The following FRK variants were observed in gnomAD, a reference collection of about 807,000 sequenced individuals.
The protein encoded by FRK is fyn related Src family tyrosine kinase.
FRK carries 51 observed loss-of-function variants against 56.4 expected under a neutral mutation model. The ratio of observed to expected loss-of-function variants is 0.90; its 90% CI spans 0.72 to 1.14. FRK has a LOEUF of 1.14. Ranked by LOEUF, FRK falls within the 50% of genes most tolerant of loss-of-function variation. The pLI is 0.00. For missense variants in FRK, 570 were observed against 601.4 expected (o/e 0.95, Z 0.55); for synonymous variants, 245 against 217.9 (o/e 1.12, Z -1.10).
chr6:116,054,112 G>T (rs1777284389), intron 1 of FRK, among the ~76,000 whole-genome samples: 1 of 151,348 alleles, frequency 6.6e-6, no homozygotes, highest in Non-Finnish European at 1.5e-5. Flanking sequence ...AACAAATTGA[G>T]TTAGTTATAT....
chr6:115,958,818 G>GA (rs71012317), intron 4 of FRK, among the ~76,000 whole-genome samples: 2 of 16,210 alleles, frequency 1.2e-4, no homozygotes, highest in East Asian at 1.5e-3. Flanking sequence ...AAGAAAGAAA[G>GA]AAAAAGAAAG....
In FRK at chr6:115,944,341, C is replaced by T. The variant is rs190064484; in HGVS notation, c.1043G>A (p.Arg348Gln). ...AGCCAGATCTCTGTGAATGTAGTTC[C>T]GAGACTCCAGATAGGCCATTCCAGA... is the stretch of plus-strand genomic sequence containing the variant. ...VASGMAYLES[R>Q]NYIHRDLAAR... Residue 348 changes from arginine (R) to glutamine (Q), a missense_variant, in exon 6 of 8, where the codon CGG becomes CAG. Coordinates refer to ENST00000606080, the MANE Select transcript of FRK (RefSeq NM_002031.3). The T allele has an allele frequency of 8.2e-5, 132 of 1,612,940 alleles. No individual in the cohort carries two copies. In the East Asian group the frequency reaches 8.7e-4, roughly 11 times the overall value.
At chr6:116,023,267 T>C (rs1775948412) in intron 1 of FRK, among the ~76,000 whole-genome samples, 1 of 152,190 alleles carries the variant, frequency 6.6e-6, no homozygotes, top group Non-Finnish European at 1.5e-5. Flanking sequence ...GACTCTATGA[T>C]GCAGCAATTC....
the FRK span, among the ~76,000 whole-genome samples, chr6:116,081,699 C>CAAT: frequency 1.3e-5 from 2 of 151,118 alleles, no homozygotes; most frequent in Admixed American, 1.3e-4. Context: ...TAAAAGATAA[C>CAAT]AATAATAATA....
At chr6:116,065,814 T>C (rs2114849978), upstream of FRK, among the ~76,000 whole-genome samples, 1 of 152,330 alleles carries the variant, frequency 6.6e-6, no homozygotes, top group South Asian at 2.1e-4. Flanking sequence ...ACTCAATAAA[T>C]ATATGTTGAG....
chr6:116,081,119 G>C, the FRK span, among the ~76,000 whole-genome samples: 1 of 152,106 alleles, frequency 6.6e-6, no homozygotes, highest in Non-Finnish European at 1.5e-5. Flanking sequence ...TCACTATCTC[G>C]AGAACAGCAT....
At chr6:116,043,102 C>T (rs1286170850) in intron 1 of FRK, among the ~76,000 whole-genome samples, 1 of 152,114 alleles carries the variant, frequency 6.6e-6, no homozygotes, top group South Asian at 2.1e-4. Flanking sequence ...TCTTAGAGAC[C>T]TACAAACAGA....
chr6:116,019,307 G>C (rs1015031591), intron 1 of FRK, among the ~76,000 whole-genome samples: 1 of 152,164 alleles, frequency 6.6e-6, no homozygotes, highest in Non-Finnish European at 1.5e-5. Flanking sequence ...ATAAACAGAT[G>C]ATTATTTGAG....
rs560254969 is a variant in FRK at position 116,057,499 on chromosome 6, G to A, written c.344+2469C>T. Among the ~76,000 whole-genome samples, 29 of 152,214 alleles carry A rather than the reference G, an allele frequency of 1.9e-4. 1 individual carries two copies. The East Asian group carries it at 5.0e-3, about 26-fold the overall frequency. On this transcript the variant is annotated intron_variant, in intron 1 of 7. Transcript: ENST00000606080. ...GAGTATTGAAGCAATTTTGCCTTAC[G>A]GTGACAAGAAACTTCAGAAGTAAGC...
chr6:115,971,808 A>C (rs1039181710), intron 2 of FRK, among the ~76,000 whole-genome samples: 31 of 152,214 alleles, frequency 2.0e-4, no homozygotes, highest in African/African-American at 7.2e-4. Flanking sequence ...AAAAGGCAGC[A>C]GTGGAAACAT....
chr6:116,042,567 C>T (rs1219161167), intron 1 of FRK, among the ~76,000 whole-genome samples: 1 of 152,144 alleles, frequency 6.6e-6, no homozygotes, highest in African/African-American at 2.4e-5. Context: ...GCCTGCCTTA[C>T]AAGAGCTCCT....
intron 1 of FRK, among the ~76,000 whole-genome samples, chr6:116,049,892 A>C (rs556082293): frequency 2.0e-5 from 3 of 152,312 alleles, no homozygotes; most frequent in East Asian, 3.9e-4. Context: ...TTTTAGGAAA[A>C]GGGTCATATG....
chr6:116,046,508 T>C (rs991669904), intron 1 of FRK, among the ~76,000 whole-genome samples: 2 of 152,118 alleles, frequency 1.3e-5, no homozygotes, highest in African/African-American at 2.4e-5. Context: ...GGAAACCATC[T>C]TTCTCAGCAA....
chr6:116,100,534 T>C, the FRK span, among the ~76,000 whole-genome samples: 1 of 151,796 alleles, frequency 6.6e-6, no homozygotes, highest in South Asian at 2.1e-4. Flanking sequence ...GGCGATGGAG[T>C]GTCCCGGTTA....
At chr6:115,996,884 C>G (rs760055461) in intron 2 of FRK, among the ~76,000 whole-genome samples, 9 of 152,158 alleles carry the variant, frequency 5.9e-5, no homozygotes, top group Non-Finnish European at 1.0e-4. Context: ...AGGATACACA[C>G]AAGGTCAACA....
chr6:116,011,428 T>G (rs1342095433), intron 1 of FRK, among the ~76,000 whole-genome samples: 2 of 151,412 alleles, frequency 1.3e-5, no homozygotes, highest in East Asian at 3.9e-4. Flanking sequence ...CTTCAAGTAC[T>G]ATAGACAGAT....
At chr6:116,059,535 T>C (rs1777536171) in intron 1 of FRK, among the ~76,000 whole-genome samples, 1 of 152,194 alleles carries the variant, frequency 6.6e-6, no homozygotes, top group South Asian at 2.1e-4. Context: ...AGAGTTGATA[T>C]ATTACCCTGG....
intron 1 of FRK, among the ~76,000 whole-genome samples, chr6:116,027,382 G>T (rs972497911): frequency 6.6e-6 from 1 of 152,130 alleles, no homozygotes; most frequent in Non-Finnish European, 1.5e-5. Flanking sequence ...TCAAGTCATA[G>T]AATTTAAGAC....
intron 1 of FRK, among the ~76,000 whole-genome samples, chr6:116,008,251 C>T (rs371564759): frequency 2.0e-5 from 3 of 151,948 alleles, no homozygotes; most frequent in African/African-American, 7.3e-5. Flanking sequence ...TGTAGAAAAA[C>T]CCTATAGCAA....
Sources: allele counts gnomAD v4.1 joint callset (sites outside exome capture counted in the v4.1 genomes callset), GRCh38; gene constraint gnomAD v4.1.1; transcripts MANE v1.5; gene names NCBI Gene and HGNC (gene_info 2026-07-23, HGNC 2026-07-21).